Variants in ANGPT2 observed in about 807,000 individuals in gnomAD.
The protein encoded by ANGPT2 is angiopoietin-2.
Under a neutral mutation model 62.9 loss-of-function variants are expected in ANGPT2, and 28 were observed. The ratio of observed to expected loss-of-function variants is 0.44; its 90% CI spans 0.33 to 0.61. The LOEUF is 0.61. Ranked by LOEUF, ANGPT2 falls within the 20% of genes least tolerant of loss-of-function variation. ANGPT2 has a pLI of 0.03. For synonymous variants in ANGPT2, 284 were observed against 207.8 expected (o/e 1.37, Z -3.15); for missense variants, 727 against 594.9 (o/e 1.22, Z -2.31).
intron 1 of ANGPT2, among the ~76,000 whole-genome samples, chr8:6,551,193 G>A (rs564064719): frequency 5.3e-5 from 8 of 152,116 alleles, no homozygotes; most frequent in Non-Finnish European, 1.2e-4. Flanking sequence ...GATAGAGAAA[G>A]GGTCCTAGTT....
At chr8:6,519,035 G>A (rs1816818924) in intron 5 of ANGPT2, among the ~76,000 whole-genome samples, 1 of 152,122 alleles carries the variant, frequency 6.6e-6, no homozygotes, top group African/African-American at 2.4e-5. Context: ...TGCCTGCTGT[G>A]AGTACTGACT....
At chr8:6,524,965 C>T (rs1456498181) in intron 3 of ANGPT2, among the ~76,000 whole-genome samples, 1 of 152,226 alleles carries the variant, frequency 6.6e-6, no homozygotes, top group African/African-American at 2.4e-5. Flanking sequence ...TGCTGTGGAC[C>T]TCAGGTGCAT....
At chr8:6,525,812 C>T (rs1307509399) in intron 3 of ANGPT2, among the ~76,000 whole-genome samples, 1 of 152,112 alleles carries the variant, frequency 6.6e-6, no homozygotes, top group Non-Finnish European at 1.5e-5. Flanking sequence ...ACGATTTCTA[C>T]AGCTGATGAG....
intron 3 of ANGPT2, among the ~76,000 whole-genome samples, chr8:6,525,244 C>A (rs987527709): frequency 6.6e-6 from 1 of 152,010 alleles, no homozygotes; most frequent in African/African-American, 2.4e-5. Context: ...TATTCCAGCC[C>A]CCTGATCGTT....
chr8:6,555,309 G>A (rs1391709330), intron 1 of ANGPT2, among the ~76,000 whole-genome samples: 9 of 152,122 alleles, frequency 5.9e-5, no homozygotes, highest in African/African-American at 2.2e-4. Flanking sequence ...GCTGAATTTC[G>A]TCGTCCTGCC....
chr8:6,533,579 T>TC (rs1208145953), intron 1 of ANGPT2, among the ~76,000 whole-genome samples: 4 of 124,692 alleles, frequency 3.2e-5, no homozygotes, highest in Admixed American at 3.0e-4. Context: ...CTTTTTTTTT[T>TC]TTTTTTTTTT....
At chr8:6,532,754 G>A (rs891717955) in intron 1 of ANGPT2, among the ~76,000 whole-genome samples, 1 of 152,124 alleles carries the variant, frequency 6.6e-6, no homozygotes, top group Non-Finnish European at 1.5e-5. Flanking sequence ...TGTTCTTCTA[G>A]AAGTCCATGT....
intron 1 of ANGPT2, among the ~76,000 whole-genome samples, chr8:6,540,701 T>G (rs1408246301): frequency 6.6e-6 from 1 of 152,262 alleles, no homozygotes; most frequent in East Asian, 1.9e-4. Context: ...TCTCACCAGA[T>G]TCTCACACTG....
chr8:6,531,181 C>T (rs538703866), intron 2 of ANGPT2, among the ~76,000 whole-genome samples: 3 of 151,696 alleles, frequency 2.0e-5, no homozygotes, highest in African/African-American at 7.3e-5. Flanking sequence ...CCACCCAGGC[C>T]GTTCGCTGGG....
chr8:6,518,582 G>C (rs1022851745), intron 5 of ANGPT2, among the ~76,000 whole-genome samples: 2 of 152,000 alleles, frequency 1.3e-5, no homozygotes, highest in African/African-American at 4.8e-5. Context: ...CAAGTTCCAG[G>C]TCTTTAAAAC....
intron 1 of ANGPT2, among the ~76,000 whole-genome samples, chr8:6,542,607 A>AAG (rs1286929631): frequency 6.6e-6 from 1 of 152,006 alleles, no homozygotes; most frequent in African/African-American, 2.4e-5. Flanking sequence ...CTTAAAAAAA[A>AAG]AAAAGTGCTG....
chr8:6,549,240 C>A (rs796636577), intron 1 of ANGPT2, among the ~76,000 whole-genome samples: 2 of 152,148 alleles, frequency 1.3e-5, no homozygotes, highest in Admixed American at 6.5e-5. Flanking sequence ...ACCATGGGTA[C>A]GTAAATTGTG....
intron 1 of ANGPT2, among the ~76,000 whole-genome samples, chr8:6,547,120 C>T (rs536285889): frequency 7.9e-5 from 12 of 151,452 alleles, no homozygotes; most frequent in African/African-American, 2.9e-4. Context: ...TTACAAAACT[C>T]ATGTGGCCTA....
intron 1 of ANGPT2, among the ~76,000 whole-genome samples, chr8:6,537,545 CATAT>C (rs35477464): frequency 1.4e-4 from 21 of 149,026 alleles, no homozygotes; most frequent in Non-Finnish European, 2.2e-4. Context: ...TTTAATGCAA[CATAT>C]ATATATATAT....
chr8:6,504,326 A>AAAT (rs1812830402), intron 8 of ANGPT2, among the ~76,000 whole-genome samples: 1 of 151,362 alleles, frequency 6.6e-6, no homozygotes, highest in African/African-American at 2.4e-5. Flanking sequence ...TCAAAAAAAA[A>AAAT]AAAAAAAAAA....
At chr8:6,531,393 A>G (rs775313306) in intron 2 of ANGPT2, among the ~76,000 whole-genome samples, 6 of 151,160 alleles carry the variant, frequency 4.0e-5, no homozygotes, top group Admixed American at 1.3e-4. Context: ...GGTTGAAGCA[A>G]TTCTCCTGCC....
rs1407433239 is a variant in ANGPT2 at position 6,502,613 on chromosome 8, CT to C, written c.*487del. On this transcript the variant is annotated 3_prime_UTR_variant, in exon 9 of 9. Coordinates refer to ENST00000629816, the MANE Select transcript of ANGPT2 (RefSeq NM_001118887.2). ...CTTCTCAGAATATCCCTGAATATGTCTTTTTATGGCTTAGAGAGTTTTTTTC... is the reference window on the plus strand; with the variant it reads ...CTTCTCAGAATATCCCTGAATATGTCTTTTATGGCTTAGAGAGTTTTTTTC... 2 of 152,638 alleles carry C rather than the reference CT, an allele frequency of 1.3e-5. No individual in the cohort carries two copies. The highest frequency in any genetic ancestry group is 4.8e-5 in the African/African-American group (2 of 41,452). The allele number at this position is 152,638 out of a possible 1,614,324, so 9.5% of individuals were successfully genotyped here. A position where few individuals can be genotyped will look rare whatever the true frequency, so the allele number is the denominator to read the frequency against.
At chr8:6,507,800 C>G (rs1049610425) in intron 8 of ANGPT2, 2 of 151,582 alleles carry the variant, frequency 1.3e-5, no homozygotes, top group Non-Finnish European at 2.9e-5. Flanking sequence ...CCAGGCTGGT[C>G]TTGAACTCCT....
chr8:6,562,219 G>A (rs1453658200), intron 1 of ANGPT2, among the ~76,000 whole-genome samples: 4 of 152,092 alleles, frequency 2.6e-5, no homozygotes, highest in East Asian at 1.9e-4. Context: ...TGGTTGTCAC[G>A]GTCTCTCTGG....
Sources: allele counts gnomAD v4.1 joint callset (sites outside exome capture counted in the v4.1 genomes callset), GRCh38; gene constraint gnomAD v4.1.1; transcripts MANE v1.5; gene names NCBI Gene and HGNC (gene_info 2026-07-23, HGNC 2026-07-21).